Variants in DYDC1 observed in about 807,000 individuals in gnomAD.
DYDC1 encodes the protein DPY30 domain containing 1.
In DYDC1, 21 loss-of-function variants were observed where a neutral mutation model predicts 27.9. The observed-to-expected ratio is 0.75, with a 90% CI of 0.53 to 1.08. DYDC1 has a LOEUF of 1.08. DYDC1 is among the 50% of genes least tolerant of loss of function. The pLI, the probability that DYDC1 is intolerant of heterozygous loss-of-function variation, is 0.00. For synonymous variants in DYDC1, 67 were observed against 65.8 expected, an observed-to-expected ratio of 1.02 and a Z score of -0.09; for missense variants, 202 against 205.9, an observed-to-expected ratio of 0.98 and a Z score of 0.12.
chr10:80,339,611 CT>C (rs1159004323), intron 4 of DYDC1, among the ~76,000 whole-genome samples: 1 of 152,156 alleles, frequency 6.6e-6, no homozygotes, highest in Non-Finnish European at 1.5e-5. Context: ...GCAATGCCCT[CT>C]TTAATACTCT....
intron 1 of DYDC1, chr10:80,356,325 G>A: frequency 3.0e-6 from 3 of 985,686 alleles, no homozygotes; most frequent in Non-Finnish European, 3.6e-6. Context: ...TGAAGAAGGT[G>A]CCACAGAGAT....
At chr10:80,352,725 A>G in intron 1 of DYDC1, 115 bp from the exon 2 acceptor site, 1 of 1,284,232 alleles carries the variant, frequency 7.8e-7, no homozygotes, top group Non-Finnish European at 9.9e-7. Context: ...AGTCATGGAC[A>G]CCTCCCATTG....
intron 1 of DYDC1, chr10:80,356,430 T>C: frequency 1.0e-6 from 1 of 985,122 alleles, no homozygotes; most frequent in Non-Finnish European, 1.2e-6. Context: ...GATACAGTAT[T>C]GTATCTGGCA....
intron 1 of DYDC1, 191 bp from the exon 2 acceptor site, chr10:80,352,801 C>G (rs1206099452): frequency 7.4e-6 from 4 of 543,452 alleles, no homozygotes; most frequent in Non-Finnish European, 1.1e-5. Context: ...CCAAGGAAGT[C>G]ACTACAACTA....
chr10:80,347,106 T>C (rs1297850371), intron 3 of DYDC1, among the ~76,000 whole-genome samples: 1 of 151,474 alleles, frequency 6.6e-6, no homozygotes, highest in Non-Finnish European at 1.5e-5. Context: ...AAAGCAGCCA[T>C]CCTAATAGGG....
At chr10:80,348,480 A>G (rs1589513492) in intron 3 of DYDC1, among the ~76,000 whole-genome samples, 1 of 152,362 alleles carries the variant, frequency 6.6e-6, no homozygotes, top group East Asian at 1.9e-4. Flanking sequence ...CAAGTAACGT[A>G]AAGCTGCTTT....
chr10:80,348,249 T>C (rs1842785005), intron 3 of DYDC1, among the ~76,000 whole-genome samples: 1 of 152,248 alleles, frequency 6.6e-6, no homozygotes, highest in Non-Finnish European at 1.5e-5. Context: ...GGTTTCTTTT[T>C]CGAGTAAGTT....
At chr10:80,337,288 T>C in intron 6 of DYDC1, 1 of 985,494 alleles carries the variant, frequency 1.0e-6, no homozygotes, top group Non-Finnish European at 1.2e-6. Context: ...CCAATCCATT[T>C]TGTTCATTGG....
chr10:80,347,354 A>G (rs1842730574), intron 3 of DYDC1, among the ~76,000 whole-genome samples: 2 of 131,008 alleles, frequency 1.5e-5, no homozygotes, highest in African/African-American at 6.0e-5. Flanking sequence ...ACTCCTTATC[A>G]GACCTTATCA....
In DYDC1 at chr10:80,356,703, T is replaced by C. The variant is rs891285016; in HGVS notation, c.-10+9A>G. The C allele has an allele frequency of 1.0e-5, 10 of 984,290 alleles. No individual in the cohort carries two copies. The highest frequency in any genetic ancestry group is 1.7e-5 in the African/African-American group (1 of 57,188). The allele number at this position is 984,290 out of a possible 1,614,324, so 61.0% of individuals were successfully genotyped here. A position where few individuals can be genotyped will look rare whatever the true frequency, so the allele number is the denominator to read the frequency against. ...CCAAAAACAGTTCGGGCCTTTCCGGTGCGCTCACCCCTACACACGCGCCTG... is the reference window on the plus strand; with the variant it reads ...CCAAAAACAGTTCGGGCCTTTCCGGCGCGCTCACCCCTACACACGCGCCTG... On this transcript the variant is annotated intron_variant, in intron 1 of 6. Transcript: ENST00000372202.
At chr10:80,353,101 C>T (rs76200242) in intron 1 of DYDC1, among the ~76,000 whole-genome samples, 6,703 of 152,102 alleles carry the variant, frequency 0.044, 456 homozygotes, top group African/African-American at 0.15. Context: ...AAATGTTCCT[C>T]CTAAGCCATG....
chr10:80,340,153 G>C (rs747282732), intron 4 of DYDC1, among the ~76,000 whole-genome samples: 1 of 152,214 alleles, frequency 6.6e-6, no homozygotes, highest in Non-Finnish European at 1.5e-5. Context: ...CCAGGGAGCA[G>C]CAGAGGGGAG....
chr10:80,336,703 T>TA (rs1382821956), intron 6 of DYDC1, among the ~76,000 whole-genome samples: 9 of 152,338 alleles, frequency 5.9e-5, no homozygotes, highest in Non-Finnish European at 1.2e-4. Context: ...TGCTTCCTCT[T>TA]ATGTTCATCA....
intron 6 of DYDC1, 79 bp downstream of exon 6, chr10:80,338,388 T>C (rs921682357): frequency 1.3e-6 from 2 of 1,563,266 alleles, no homozygotes; most frequent in Non-Finnish European, 1.7e-6. Context: ...AGCCTCATTT[T>C]CCCTAGGCTT....
chr10:80,336,129 C>T lies in DYDC1; in HGVS notation c.*27G>A, dbSNP rs145423945. ...GTTTGAAATTTGAAACAAACAAAAA[C>T]ATTTATTGCTCTTAGGTTGGTTGGT... On this transcript the variant is annotated 3_prime_UTR_variant, in exon 7 of 7. Transcript: ENST00000372202. 156 of 1,387,130 alleles carry T rather than the reference C, an allele frequency of 1.1e-4. No individual in the cohort carries two copies. In the African/African-American group the frequency reaches 1.9e-3, roughly 17 times the overall value. 85.9% of individuals were successfully genotyped at this position (1,387,130 alleles called of 1,614,324 possible). A position where few individuals can be genotyped will look rare whatever the true frequency, so the allele number is the denominator to read the frequency against.
intron 5 of DYDC1, 150 bp from the exon 6 acceptor site, chr10:80,338,721 G>T: frequency 1.2e-6 from 1 of 812,246 alleles, no homozygotes; most frequent in African/African-American, 1.8e-5. Flanking sequence ...TTAATGACAA[G>T]AGAATTCTGG....
chr10:80,351,929 A>G lies in DYDC1; in HGVS notation c.221T>C (p.Leu74Pro). ...CTGAAGTAAGAGCTCCTCTGCTTTG[A>G]GCCTCTCCATCATTTCCTGCTCCAT... ...ALMEQEMMERLKAEELLLQQQ... is the reference protein window; with the variant it reads ...ALMEQEMMERPKAEELLLQQQ... The change falls in exon 3 of 7, where the codon CTC becomes CCC. Residue 74 changes from leucine (L) to proline (P), a missense_variant. Transcript: ENST00000372202. 1 of 1,614,118 alleles carries G rather than the reference A, an allele frequency of 6.2e-7. No individual in the cohort carries two copies. The highest frequency in any genetic ancestry group is 8.5e-7 in the Non-Finnish European group (1 of 1,180,032).
chr10:80,341,303 C>T (rs901367966), intron 4 of DYDC1, among the ~76,000 whole-genome samples: 6 of 151,472 alleles, frequency 4.0e-5, no homozygotes, highest in African/African-American at 1.5e-4. Context: ...ATTAGCCAAG[C>T]ATGGTTGTGC....
chr10:80,350,948 C>T (rs1316156402), intron 3 of DYDC1, among the ~76,000 whole-genome samples: 1 of 152,186 alleles, frequency 6.6e-6, no homozygotes, highest in African/African-American at 2.4e-5. Flanking sequence ...GGTCTGCCTG[C>T]TCCACTTCTT....
Sources: allele counts gnomAD v4.1 joint callset (sites outside exome capture counted in the v4.1 genomes callset), GRCh38; gene constraint gnomAD v4.1.1; transcripts MANE v1.5; gene names NCBI Gene and HGNC (gene_info 2026-07-23, HGNC 2026-07-21).